Variants in MOGAT2 observed in about 807,000 individuals in gnomAD.
The protein encoded by MOGAT2 is monoacylglycerol O-acyltransferase 2, also known as 2-acylglycerol O-acyltransferase 2.
MOGAT2 carries 27 observed loss-of-function variants against 31.5 expected under a neutral mutation model. The observed-to-expected ratio is 0.86, with a 90% CI of 0.63 to 1.18. The LOEUF is 1.18. Among genes scored for constraint, MOGAT2 ranks in the 50% most tolerant of loss-of-function variants. The pLI, the probability that MOGAT2 is intolerant of heterozygous loss-of-function variation, is 0.00. For synonymous variants in MOGAT2, 163 were observed against 170.0 expected (o/e 0.96, Z 0.32); for missense variants, 436 against 433.2 (o/e 1.01, Z -0.06).
At chr11:75,729,519 C>A (rs1339529637) in intron 5 of MOGAT2, among the ~76,000 whole-genome samples, 2 of 152,076 alleles carry the variant, frequency 1.3e-5, no homozygotes, top group Non-Finnish European at 2.9e-5. Flanking sequence ...AAGTGATCTG[C>A]CTGCCTTGGC....
chr11:75,728,728 C>G, intron 4 of MOGAT2, 62 bp from the exon 5 acceptor site: 2 of 1,432,754 alleles, frequency 1.4e-6, no homozygotes, highest in Non-Finnish European at 2.0e-6. Flanking sequence ...AGCTAAAGGG[C>G]CTTTCAGCTC....
Position 75,727,542 on chromosome 11 carries a change from A to T in MOGAT2, c.378A>T (p.Thr126=). The change falls in exon 3 of 6, where the codon ACA becomes ACT. Residue 126 remains threonine (T), a synonymous_variant. Transcript: ENST00000198801. ...TTGCCAACCTGTGCACTGAGAGCACAGGCTTCTCTTCGATCTTCCCCGGTA... is the reference window on the plus strand; with the variant it reads ...TTGCCAACCTGTGCACTGAGAGCACTGGCTTCTCTTCGATCTTCCCCGGTA... ...GAFANLCTES[T]GFSSIFPGIR... 4 of 1,614,206 alleles carry T rather than the reference A, an allele frequency of 2.5e-6. No individual in the cohort carries two copies. The highest frequency in any genetic ancestry group is 3.4e-6 in the Non-Finnish European group (4 of 1,180,034).
At chr11:75,726,575 A>G (rs1355033054) in intron 2 of MOGAT2, among the ~76,000 whole-genome samples, 1 of 152,226 alleles carries the variant, frequency 6.6e-6, no homozygotes, top group African/African-American at 2.4e-5. Context: ...TGTTTAGGGA[A>G]TACTGATAAA....
At chr11:75,721,283 A>G (rs1944374631) in intron 2 of MOGAT2, among the ~76,000 whole-genome samples, 2 of 151,948 alleles carry the variant, frequency 1.3e-5, no homozygotes, top group South Asian at 4.1e-4. Context: ...AGCACTTTGT[A>G]GGTTTTCTTT....
chr11:75,728,990 G>A lies in MOGAT2; in HGVS notation c.850+1G>A. ...TACCGCCGGCCCATCACCACTGTGG[G>A]TAAGTCCAGGACCAGGCTGGGAGGG... On this transcript the variant is annotated splice_donor_variant, in intron 5 of 5. Coordinates refer to ENST00000198801, the MANE Select transcript of MOGAT2 (RefSeq NM_025098.4). LOFTEE classifies it high-confidence loss of function. 6 of 1,613,502 alleles carry A rather than the reference G, an allele frequency of 3.7e-6. No homozygotes were observed. The highest frequency in any genetic ancestry group is 3.4e-6 in the Non-Finnish European group (4 of 1,180,010).
chr11:75,726,808 C>A (rs1479804310), intron 2 of MOGAT2, among the ~76,000 whole-genome samples: 1 of 150,676 alleles, frequency 6.6e-6, no homozygotes, highest in Non-Finnish European at 1.5e-5. Context: ...AAGCAATTCT[C>A]CTGCCTCAGC....
chr11:75,726,027 G>A (rs976876661), intron 2 of MOGAT2, among the ~76,000 whole-genome samples: 1 of 152,202 alleles, frequency 6.6e-6, no homozygotes, highest in Admixed American at 6.5e-5. Context: ...CAGCCCGTCC[G>A]GTATCTGGCC....
Position 75,728,972 on chromosome 11 carries a change from G to C in MOGAT2, c.833G>C (p.Arg278Pro). 2.5e-6 allele frequency: 4 copies of C among 1,613,766 alleles called. No individual in the cohort carries two copies. The highest frequency in any genetic ancestry group is 3.4e-6 in the Non-Finnish European group (4 of 1,180,020). ...QYSFGLIPYR[R>P]PITTVVGKPI... ...AGCTTTGGTTTAATACCCTACCGCC[G>C]GCCCATCACCACTGTGGGTAAGTCC... is the stretch of plus-strand genomic sequence containing the variant. The change falls in exon 5 of 6, where the codon CGG (arginine) becomes CCG (proline). Residue 278 changes from arginine to proline, a missense_variant. By Grantham distance (103) the Arg-to-Pro change is moderately radical (BLOSUM62 -2). Transcript: ENST00000198801.
In MOGAT2 at chr11:75,717,938, C is replaced by T. The variant is rs1199105819; in HGVS notation, c.50C>T (p.Thr17Ile). Residue 17 changes from threonine (T) to isoleucine (I), a missense_variant, in exon 1 of 6, where the codon ACA becomes ATA. Transcript: ENST00000198801. ...LFMPWERRLQ[T>I]LAVLQFVFSF... ...ATGCCGTGGGAGCGCAGGCTGCAGA[C>T]ACTTGCTGTCCTACAGTTTGTCTTC... 2 of 1,614,246 alleles carry T rather than the reference C, an allele frequency of 1.2e-6. No homozygotes were observed. Among genetic ancestry groups the T allele is most frequent in the East Asian group, 4.5e-5 (2 of 44,884 alleles).
chr11:75,726,745 C>T (rs922625651), intron 2 of MOGAT2, among the ~76,000 whole-genome samples: 2 of 141,506 alleles, frequency 1.4e-5, no homozygotes, highest in African/African-American at 5.4e-5. Context: ...GTTGCCCAGG[C>T]TGGAATGCAG....
chr11:75,724,836 A>G (rs1944407054), intron 2 of MOGAT2, among the ~76,000 whole-genome samples: 1 of 152,116 alleles, frequency 6.6e-6, no homozygotes, highest in Non-Finnish European at 1.5e-5. Context: ...CACTCTCCAC[A>G]CATTGTCCCC....
intron 5 of MOGAT2, among the ~76,000 whole-genome samples, chr11:75,730,605 C>G (rs943962648): frequency 6.6e-6 from 1 of 152,112 alleles, no homozygotes; most frequent in Non-Finnish European, 1.5e-5. Flanking sequence ...AGTGCATTGC[C>G]TGACACATTG....
rs926163815 is a variant in MOGAT2 at position 75,731,403 on chromosome 11, A to G, written c.*117A>G. Reference sequence around the variant, plus strand: ...GCCTTCCCAGACTCCTGCAAATCCAACCCATATCAGGCTGTAAGTCAGAGC... The same window carrying G: ...GCCTTCCCAGACTCCTGCAAATCCAGCCCATATCAGGCTGTAAGTCAGAGC... On this transcript the variant is annotated 3_prime_UTR_variant, in exon 6 of 6. Coordinates refer to ENST00000198801, the MANE Select transcript of MOGAT2 (RefSeq NM_025098.4). The G allele has an allele frequency of 1.4e-4, 172 of 1,218,402 alleles. No individual in the cohort carries two copies. Among genetic ancestry groups the G allele is most frequent in the Admixed American group, 1.2e-4 (5 of 41,524 alleles). 75.5% of individuals were successfully genotyped at this position (1,218,402 alleles called of 1,614,324 possible).
chr11:75,720,466 G>A (rs1944368378), intron 2 of MOGAT2, among the ~76,000 whole-genome samples: 1 of 152,144 alleles, frequency 6.6e-6, no homozygotes, highest in Admixed American at 6.5e-5. Context: ...TATCTTAAAG[G>A]CACAAACCCA....
intron 2 of MOGAT2, among the ~76,000 whole-genome samples, chr11:75,723,302 A>G (rs1488601362): frequency 6.6e-6 from 1 of 151,866 alleles, no homozygotes; most frequent in East Asian, 1.9e-4. Flanking sequence ...TCCTCACCGC[A>G]GGCCCTTTGC....
At chr11:75,724,505 T>C (rs1590840411) in intron 2 of MOGAT2, among the ~76,000 whole-genome samples, 1 of 151,998 alleles carries the variant, frequency 6.6e-6, no homozygotes, top group South Asian at 2.1e-4. Flanking sequence ...TGCATTTATG[T>C]GCACGTATCC....
In MOGAT2 at chr11:75,731,197, C is replaced by T; in HGVS notation, c.916C>T (p.Gln306Ter). The T allele has an allele frequency of 2.5e-6, 4 of 1,614,054 alleles. No individual in the cohort carries two copies. Among genetic ancestry groups the T allele is most frequent in the Non-Finnish European group, 3.4e-6 (4 of 1,180,020 alleles). The change falls in exon 6 of 6, where the codon CAG (glutamine) becomes TAG (stop). Residue 306 changes from glutamine (Q) to a stop codon, truncating the protein, a stop_gained. Coordinates refer to ENST00000198801, the MANE Select transcript of MOGAT2 (RefSeq NM_025098.4). LOFTEE classifies it high-confidence loss of function. ...GGAGGAGGAGGTGAACCAGCTGCAC[C>T]AGCGTTATATCAAAGAGCTGTGCAA... is the stretch of plus-strand genomic sequence containing the variant. ...PSEEEVNQLH[Q>*]RYIKELCNLF...
Position 75,731,307 on chromosome 11 carries a change from A to T in MOGAT2, c.*21A>T, listed in dbSNP as rs751604661. On this transcript the variant is annotated 3_prime_UTR_variant, in exon 6 of 6. Transcript: ENST00000198801. ...GCTGAGCCCAAAGGGCAGGGCCAAC[A>T]TTAGGGAGCCCAGCAGGAGGTGCTG... 1 of 1,611,580 alleles carries T rather than the reference A, an allele frequency of 6.2e-7. No individual in the cohort carries two copies. The highest frequency in any genetic ancestry group is 8.5e-7 in the Non-Finnish European group (1 of 1,178,548).
intron 2 of MOGAT2, among the ~76,000 whole-genome samples, chr11:75,724,439 A>C (rs1944402108): frequency 6.6e-6 from 1 of 152,150 alleles, no homozygotes; most frequent in South Asian, 2.1e-4. Context: ...CTCAGTATCC[A>C]AGTGCCTGCA....
Sources: gnomAD v4.1 joint callset for allele counts (sites outside exome capture counted in the v4.1 genomes callset) on GRCh38, gnomAD v4.1.1 for gene constraint, MANE v1.5 for transcripts, NCBI Gene and HGNC (gene_info 2026-07-23, HGNC 2026-07-21) for gene names.